The following ZNF536 variants were observed in gnomAD, a reference collection of about 807,000 sequenced individuals.
ZNF536 encodes zinc finger protein 536.
A neutral mutation model predicts 84.5 loss-of-function variants in ZNF536; 13 were observed. That is an observed-to-expected ratio of 0.15 (90% CI 0.10 to 0.24). ZNF536 has a LOEUF of 0.24. Among genes scored for constraint, ZNF536 ranks in the 10% least tolerant of loss-of-function variants. The pLI, the probability that ZNF536 is intolerant of heterozygous loss-of-function variation, is 1.00. For synonymous variants in ZNF536, 811 were observed against 742.5 expected, an observed-to-expected ratio of 1.09 and a Z score of -1.50; for missense variants, 1,536 against 1,747.5, an observed-to-expected ratio of 0.88 and a Z score of 2.16.
chr19:30,282,413 CT>C (rs35736237), intron 1 of ZNF536, among the ~76,000 whole-genome samples: 49,808 of 152,130 alleles, frequency 0.33, 10,607 homozygotes, highest in Non-Finnish European at 0.47. Flanking sequence ...CCGGTGCCAA[CT>C]GCAGGAGACG....
intron 1 of ZNF536, among the ~76,000 whole-genome samples, chr19:30,261,158 C>T (rs913833164): frequency 2.0e-5 from 3 of 150,670 alleles, no homozygotes; most frequent in East Asian, 2.0e-4. Context: ...ATTAGCCGGG[C>T]GTAGTGGCGG....
chr19:30,501,507 T>A (rs2054948654), intron 2 of ZNF536, among the ~76,000 whole-genome samples: 1 of 152,210 alleles, frequency 6.6e-6, no homozygotes, highest in African/African-American at 2.4e-5. Flanking sequence ...CACTTGTTTT[T>A]ATGCTGGTCT....
chr19:30,550,020 C>T (rs143027963), intron 4 of ZNF536, among the ~76,000 whole-genome samples: 5 of 152,290 alleles, frequency 3.3e-5, no homozygotes, highest in East Asian at 1.9e-4. Context: ...GGAAATAAAG[C>T]GACCTTCTCT....
intron 2 of ZNF536, among the ~76,000 whole-genome samples, chr19:30,339,042 C>CGTA (rs1416643315): frequency 2.0e-5 from 3 of 152,144 alleles, no homozygotes; most frequent in Non-Finnish European, 1.5e-5. Context: ...TGTAAAGTTC[C>CGTA]GTAGCTAAGT....
chr19:30,607,399 T>C (rs1471685164), intron 1 of ZNF536, among the ~76,000 whole-genome samples: 2 of 152,136 alleles, frequency 1.3e-5, no homozygotes, highest in Non-Finnish European at 2.9e-5. Flanking sequence ...AATAGCTTTC[T>C]TTCATGTCCC....
chr19:30,563,429 T>A (rs949523343), intron 1 of ZNF536, among the ~76,000 whole-genome samples: 3 of 152,240 alleles, frequency 2.0e-5, no homozygotes, highest in East Asian at 3.8e-4. Flanking sequence ...AGGAAATTTT[T>A]AAAAATCATC....
chr19:30,629,068 T>C (rs2048794010), intron 1 of ZNF536, among the ~76,000 whole-genome samples: 1 of 152,158 alleles, frequency 6.6e-6, no homozygotes, highest in Non-Finnish European at 1.5e-5. Context: ...GACTGGACCC[T>C]CTGCAGCTGC....
At chr19:30,575,894 AG>A (rs1401383552) in intron 1 of ZNF536, among the ~76,000 whole-genome samples, 1 of 151,938 alleles carries the variant, frequency 6.6e-6, no homozygotes, top group Non-Finnish European at 1.5e-5. Context: ...TATGTAGAAG[AG>A]GGGGAGGGAC....
chr19:30,360,622 G>A (rs916618698), intron 3 of ZNF536, among the ~76,000 whole-genome samples: 5 of 152,064 alleles, frequency 3.3e-5, no homozygotes, highest in East Asian at 1.9e-4. Flanking sequence ...GGTGATAGTC[G>A]GTCTGACGCG....
intron 1 of ZNF536, among the ~76,000 whole-genome samples, chr19:30,421,273 A>T (rs986793639): frequency 6.6e-6 from 1 of 152,318 alleles, no homozygotes; most frequent in African/African-American, 2.4e-5. Flanking sequence ...TCTTAAGAAG[A>T]TCCTAATCTA....
intron 2 of ZNF536, among the ~76,000 whole-genome samples, chr19:30,476,398 T>C (rs1422704962): frequency 6.6e-6 from 1 of 152,170 alleles, no homozygotes; most frequent in African/African-American, 2.4e-5. Context: ...AGGTAAACAA[T>C]TGTAGGTAAT....
chr19:30,538,860 C>G (rs1038257990), intron 3 of ZNF536, among the ~76,000 whole-genome samples: 1 of 152,110 alleles, frequency 6.6e-6, no homozygotes, highest in African/African-American at 2.4e-5. Context: ...TTATTGCAGG[C>G]TCAGAAAGGA....
At chr19:30,342,365 A>G (rs1361839156) in intron 2 of ZNF536, among the ~76,000 whole-genome samples, 1 of 152,200 alleles carries the variant, frequency 6.6e-6, no homozygotes, top group Non-Finnish European at 1.5e-5. Flanking sequence ...ATTTTGGCCC[A>G]TTCACAACTG....
At chr19:30,604,654 T>C (rs1383576035) in intron 1 of ZNF536, among the ~76,000 whole-genome samples, 1 of 152,218 alleles carries the variant, frequency 6.6e-6, no homozygotes, top group African/African-American at 2.4e-5. Flanking sequence ...TATTACCTAA[T>C]AGATGCTTTT....
chr19:30,509,427 A>G (rs909815215), intron 2 of ZNF536, among the ~76,000 whole-genome samples: 1 of 148,224 alleles, frequency 6.7e-6, no homozygotes, highest in Non-Finnish European at 1.5e-5. Flanking sequence ...ATATTATAAT[A>G]TATAATGTAT....
chr19:30,305,976 T>G (rs536264703), intron 2 of ZNF536, among the ~76,000 whole-genome samples: 72 of 152,364 alleles, frequency 4.7e-4, no homozygotes, highest in African/African-American at 1.6e-3. Flanking sequence ...ATCGGTTTTT[T>G]TCCCCCCTCC....
intron 1 of ZNF536, among the ~76,000 whole-genome samples, chr19:30,576,317 ACT>A (rs1466962983): frequency 1.3e-5 from 2 of 151,616 alleles, no homozygotes; most frequent in Non-Finnish European, 2.9e-5. Context: ...CAGATAGGAC[ACT>A]CTGTTCCAAG....
At chr19:30,400,709 G>C (rs2050011518) in intron 1 of ZNF536, among the ~76,000 whole-genome samples, 1 of 152,238 alleles carries the variant, frequency 6.6e-6, no homozygotes, top group Middle Eastern at 3.4e-3. Flanking sequence ...GAGACTACAG[G>C]TGTGAGCTAC....
chr19:30,508,186 G>A lies in ZNF536; in HGVS notation c.2171-26661G>A, dbSNP rs1430705040. Among the ~76,000 whole-genome samples, 7 of 152,272 alleles carry A rather than the reference G, an allele frequency of 4.6e-5. No homozygotes were observed. The East Asian group carries it at 1.2e-3, about 25-fold the overall frequency. On this transcript the variant is annotated intron_variant, in intron 2 of 4. Coordinates refer to ENST00000355537, the MANE Select transcript of ZNF536 (RefSeq NM_014717.3). ...CCACTAGAGCCTTTTACCATTCACC[G>A]ATTGCCCATGGAAGCTGAATTATGA...
Sources: allele counts gnomAD v4.1 joint callset (sites outside exome capture counted in the v4.1 genomes callset), GRCh38; gene constraint gnomAD v4.1.1; transcripts MANE v1.5; gene names NCBI Gene and HGNC (gene_info 2026-07-23, HGNC 2026-07-21).